Variants in ADGB observed in about 807,000 individuals in gnomAD.
The protein encoded by ADGB is androglobin.
Under a neutral mutation model 210.5 loss-of-function variants are expected in ADGB, and 172 were observed. The observed-to-expected ratio is 0.82, with a 90% confidence interval of 0.72 to 0.93. ADGB has a LOEUF of 0.93. ADGB is among the 40% of genes least tolerant of loss of function. The probability of loss-of-function intolerance (pLI) is 0.00; values close to 1 mark genes in which losing one functional copy is unlikely to be tolerated. For synonymous variants in ADGB, 658 were observed against 662.7 expected, an observed-to-expected ratio of 0.99 and a Z score of 0.11; for missense variants, 2,025 against 1,964.8, an observed-to-expected ratio of 1.03 and a Z score of -0.58.
At chr6:146,763,501 T>A (rs540956855) in intron 27 of ADGB, among the ~76,000 whole-genome samples, 2 of 152,302 alleles carry the variant, frequency 1.3e-5, no homozygotes, top group East Asian at 3.9e-4. Context: ...AGTACTTATA[T>A]GATCTGTTAA....
intron 7 of ADGB, among the ~76,000 whole-genome samples, chr6:146,671,423 AAG>A (rs1776007404): frequency 6.6e-6 from 1 of 152,180 alleles, no homozygotes; most frequent in Non-Finnish European, 1.5e-5. Context: ...GGGGATTTTA[AAG>A]AGAGAGTCTT....
At chr6:146,704,554 G>T (rs901929031) in intron 13 of ADGB, among the ~76,000 whole-genome samples, 2 of 152,014 alleles carry the variant, frequency 1.3e-5, no homozygotes, top group African/African-American at 4.8e-5. Flanking sequence ...TTACTGAAGA[G>T]ACTCTCCTTT....
intron 9 of ADGB, among the ~76,000 whole-genome samples, chr6:146,678,229 GTTTA>G (rs967253689): frequency 1.6e-4 from 24 of 152,096 alleles, no homozygotes; most frequent in African/African-American, 5.3e-4. Context: ...TTGTTTGTTT[GTTTA>G]TTTGTTTATT....
chr6:146,684,360 T>G (rs1053840027), intron 9 of ADGB, among the ~76,000 whole-genome samples: 5 of 152,084 alleles, frequency 3.3e-5, no homozygotes, highest in African/African-American at 1.2e-4. Context: ...GGCCTTCAAC[T>G]CTCAGCTGAC....
chr6:146,635,527 GC>G lies in ADGB; in HGVS notation c.230del (p.Pro77LeufsTer19), dbSNP rs1430626365. 6.5e-7 allele frequency: 1 copy of G among 1,535,222 alleles called. No individual in the cohort carries two copies. Among genetic ancestry groups the G allele is most frequent in the South Asian group, 1.2e-5 (1 of 81,224 alleles). ...GAKEKDKTGK[S>X]PVFHFFEDPE... ...AAAGAAAAGGACAAAACAGGAAAAA[GC>G]CCTGTATTTGTAAGTAGATGTAAAT... On this transcript the variant is annotated frameshift_variant, in exon 2 of 36. Transcript: ENST00000397944. LOFTEE classifies it high-confidence loss of function.
At chr6:146,764,665 C>A (rs912187148) in intron 28 of ADGB, among the ~76,000 whole-genome samples, 4 of 151,998 alleles carry the variant, frequency 2.6e-5, no homozygotes, top group Non-Finnish European at 4.4e-5. Context: ...AACTAAAATG[C>A]TAAAATTTTA....
intron 13 of ADGB, among the ~76,000 whole-genome samples, chr6:146,711,439 C>T (rs904965666): frequency 3.3e-5 from 5 of 152,082 alleles, no homozygotes; most frequent in Middle Eastern, 6.8e-3. Flanking sequence ...CTCCTGGTAC[C>T]TTTAGACTTC....
intron 35 of ADGB, chr6:146,807,537 A>G: frequency 6.4e-7 from 1 of 1,551,684 alleles, no homozygotes; most frequent in East Asian, 2.4e-5. Context: ...GACAGAAAAG[A>G]TGACCCCAGC....
intron 3 of ADGB, among the ~76,000 whole-genome samples, chr6:146,645,535 CT>C (rs1775596993): frequency 6.6e-6 from 1 of 152,004 alleles, no homozygotes; most frequent in Non-Finnish European, 1.5e-5. Flanking sequence ...TCTGCTATTA[CT>C]TTCACCTAAT....
intron 11 of ADGB, among the ~76,000 whole-genome samples, chr6:146,691,500 A>ATATATTTTT (rs1257984997): frequency 7.3e-5 from 1 of 13,640 alleles, no homozygotes; most frequent in Non-Finnish European, 1.0e-4. Context: ...ATATATATAT[A>ATATATTTTT]TTTTTTTTTT....
At chr6:146,758,835 T>C (rs1482705709) in intron 27 of ADGB, among the ~76,000 whole-genome samples, 1 of 151,974 alleles carries the variant, frequency 6.6e-6, no homozygotes, top group East Asian at 1.9e-4. Flanking sequence ...GGAAAGGCTA[T>C]TTCCATTTAT....
intron 9 of ADGB, among the ~76,000 whole-genome samples, chr6:146,679,784 AAGAAACCTTGATGC>A (rs1246264383): frequency 1.3e-5 from 2 of 152,228 alleles, no homozygotes; most frequent in South Asian, 4.1e-4. Context: ...GTAGCTTAAA[AAGAAACCTTGATGC>A]AAATAATGAC....
At chr6:146,633,512 C>G (rs1781095028) in intron 1 of ADGB, among the ~76,000 whole-genome samples, 1 of 151,918 alleles carries the variant, frequency 6.6e-6, no homozygotes, top group Non-Finnish European at 1.5e-5. Context: ...GCTTTTCCTC[C>G]CACTCACACA....
chr6:146,728,701 T>A lies in ADGB; in HGVS notation c.2480T>A (p.Val827Asp), dbSNP rs1363739197. 2 of 1,551,176 alleles carry A rather than the reference T, an allele frequency of 1.3e-6. No individual in the cohort carries two copies. The highest frequency in any genetic ancestry group is 2.4e-5 in the South Asian group (2 of 83,962). The change falls in exon 20 of 36, where the codon GTC (valine) becomes GAC (aspartate). Residue 827 changes from valine (V) to aspartate (D), a missense_variant. Transcript: ENST00000397944. ...LKDLQTAHYP[V>D]PFHDKELTAQ... The stretch of plus-strand genomic sequence containing the variant: ...GATCTGCAAACAGCTCACTACCCTG[T>A]CCCCTTCCATGATAAAGAACTAACT...
chr6:146,684,098 A>G (rs1776191690), intron 9 of ADGB, among the ~76,000 whole-genome samples: 1 of 152,036 alleles, frequency 6.6e-6, no homozygotes, highest in Non-Finnish European at 1.5e-5. Context: ...CTTTTTGTAA[A>G]GAAGCCCAAT....
chr6:146,697,386 T>A (rs1776420343), intron 12 of ADGB, among the ~76,000 whole-genome samples: 1 of 152,210 alleles, frequency 6.6e-6, no homozygotes, highest in African/African-American at 2.4e-5. Flanking sequence ...ACTTTGAATT[T>A]GTGCAGTTAA....
At chr6:146,747,988 G>T (rs1777266805) in intron 26 of ADGB, among the ~76,000 whole-genome samples, 1 of 151,652 alleles carries the variant, frequency 6.6e-6, no homozygotes, top group Non-Finnish European at 1.5e-5. Context: ...TCACCATGTT[G>T]TCCAGGCTAG....
chr6:146,677,621 A>G (rs912266071), intron 9 of ADGB, among the ~76,000 whole-genome samples: 9 of 152,280 alleles, frequency 5.9e-5, no homozygotes, highest in Non-Finnish European at 8.8e-5. Flanking sequence ...CTTTGTGAAA[A>G]TGGCTAAAAC....
rs567203683 is a variant in ADGB at position 146,792,995 on chromosome 6, T to C, written c.4537+4385T>C. Among the ~76,000 whole-genome samples the C allele has an allele frequency of 2.9e-3, 438 of 152,180 alleles. 1 individual carries two copies. The highest frequency in any genetic ancestry group is 8.9e-3 in the African/African-American group (371 of 41,512). ...AAGGAGTGAGTGGTAGCAAGGTTTATTGTGAAGAGCAAAAGAACAAAGCTT... is the reference window on the plus strand; with the variant it reads ...AAGGAGTGAGTGGTAGCAAGGTTTACTGTGAAGAGCAAAAGAACAAAGCTT... On this transcript the variant is annotated intron_variant, in intron 33 of 35. Transcript: ENST00000397944.
Sources: allele counts gnomAD v4.1 joint callset (sites outside exome capture counted in the v4.1 genomes callset), GRCh38; gene constraint gnomAD v4.1.1; transcripts MANE v1.5; gene names NCBI Gene and HGNC (gene_info 2026-07-23, HGNC 2026-07-21).